RHCG: variants seen among roughly 807,000 people sequenced by gnomAD.
RHCG encodes ammonium transporter Rh type C.
In RHCG, 39 loss-of-function variants were observed where a neutral mutation model predicts 55.3. That is an observed-to-expected ratio of 0.70 (90% CI 0.55 to 0.92). The LOEUF is 0.92. Among genes scored for constraint, RHCG ranks in the 40% least tolerant of loss-of-function variants. RHCG has a pLI of 0.00. For synonymous variants in RHCG, 250 were observed against 246.8 expected, an observed-to-expected ratio of 1.01 and a Z score of -0.12; for missense variants, 635 against 627.9, an observed-to-expected ratio of 1.01 and a Z score of -0.12.
At chr15:89,495,869 G>C (rs1476253609) in intron 1 of RHCG, among the ~76,000 whole-genome samples, 1 of 152,206 alleles carries the variant, frequency 6.6e-6, no homozygotes, top group Admixed American at 6.5e-5. Flanking sequence ...CCACAGCACC[G>C]CTGACACCAG....
rs199664468 is a variant in RHCG at position 89,476,813 on chromosome 15, A to C, written c.1253T>G (p.Leu418Ter). 6.8e-6 allele frequency: 11 copies of C among 1,613,978 alleles called. No individual in the cohort carries two copies. The highest frequency in any genetic ancestry group is 3.3e-5 in the Admixed American group (2 of 60,014). ...GGIIVGLILRLPFWGQPSDEN... is the reference protein window; with the variant it reads ...GGIIVGLILR ...ATCTGAAGGTTGTCCCCAGAATGGT[A>C]ATCTCAAAATGAGCCCTACAGAAAG... is the stretch of plus-strand genomic sequence containing the variant. The change falls in exon 9 of 11, where the codon TTA becomes TGA. Residue 418 changes from leucine (L) to a stop codon, truncating the protein, a stop_gained. Transcript: ENST00000268122. LOFTEE classifies it high-confidence loss of function.
chr15:89,478,619 T>A (rs1348618551), intron 5 of RHCG, among the ~76,000 whole-genome samples: 1 of 152,134 alleles, frequency 6.6e-6, no homozygotes, highest in Non-Finnish European at 1.5e-5. Flanking sequence ...TTGACCCTAT[T>A]CCATGTCCCT....
At chr15:89,490,715 G>A (rs1961458052) in intron 1 of RHCG, among the ~76,000 whole-genome samples, 1 of 152,018 alleles carries the variant, frequency 6.6e-6, no homozygotes, top group Admixed American at 6.6e-5. Flanking sequence ...ACAAGGCAGT[G>A]GGAAGAGGTT....
intron 1 of RHCG, among the ~76,000 whole-genome samples, chr15:89,487,535 C>T (rs1961398030): frequency 6.6e-6 from 1 of 152,180 alleles, no homozygotes; most frequent in African/African-American, 2.4e-5. Context: ...AAGGAGTAGC[C>T]TGGACAGGCC....
Position 89,477,904 on chromosome 15 carries a change from G to T in RHCG, c.908C>A (p.Pro303His). 2 of 1,614,078 alleles carry T rather than the reference G, an allele frequency of 1.2e-6. No homozygotes were observed. Among genetic ancestry groups the T allele is most frequent in the Non-Finnish European group, 1.7e-6 (2 of 1,180,004 alleles). ...VGTAAEMMLMPYGALIIGFVC... is the reference protein window; with the variant it reads ...VGTAAEMMLMHYGALIIGFVC... ...GAAGCCGATGATGAGGGCACCGTAA[G>T]GCATGAGCATCATCTCAGCAGCGGT... The change falls in exon 6 of 11, where the codon CCT becomes CAT. Residue 303 changes from proline (P) to histidine (H), a missense_variant. By Grantham distance (77) the Pro-to-His change is moderately conservative (BLOSUM62 -2). Coordinates refer to ENST00000268122, the MANE Select transcript of RHCG (RefSeq NM_016321.3). The surrounding 1 kb of genome is among the most constrained non-coding windows in gnomAD (Gnocchi z 4.5).
intron 1 of RHCG, among the ~76,000 whole-genome samples, chr15:89,489,001 G>C (rs1596408065): frequency 1.3e-5 from 2 of 152,142 alleles, no homozygotes; most frequent in East Asian, 1.9e-4. Flanking sequence ...ACCCTCACAT[G>C]GTTCAGAAAA....
chr15:89,477,679 C>G lies in RHCG; in HGVS notation c.976-26G>C, dbSNP rs754341414. 2 of 1,613,448 alleles carry G rather than the reference C, an allele frequency of 1.2e-6. No homozygotes were observed. The highest frequency in any genetic ancestry group is 2.2e-5 in the East Asian group (1 of 44,856). ...CTGGAGACGGGAGGTGGGTGCTGCTCAGGCCGGGGGCTGCATCAAGGGTGT... is the reference window on the plus strand; with the variant it reads ...CTGGAGACGGGAGGTGGGTGCTGCTGAGGCCGGGGGCTGCATCAAGGGTGT... On this transcript the variant is annotated intron_variant, in intron 6 of 10. Coordinates refer to ENST00000268122, the MANE Select transcript of RHCG (RefSeq NM_016321.3). The surrounding 1 kb of genome is among the most constrained non-coding windows in gnomAD (Gnocchi z 4.5).
In RHCG at chr15:89,479,378, C is replaced by G. The variant is rs768044049; in HGVS notation, c.781G>C (p.Val261Leu). The G allele has an allele frequency of 1.9e-6, 3 of 1,614,192 alleles. No homozygotes were observed. The highest frequency in any genetic ancestry group is 1.7e-5 in the Admixed American group (1 of 60,030). ...INTYCSLAACVLTSVAISSAL... is the reference protein window; with the variant it reads ...INTYCSLAACLLTSVAISSAL... Reference sequence around the variant, plus strand: ...CTGGATATTGCCACCGAGGTAAGCACGCAGGCTGCCAAGGAGCAGTAGGTG... The same window carrying G: ...CTGGATATTGCCACCGAGGTAAGCAGGCAGGCTGCCAAGGAGCAGTAGGTG... The change falls in exon 5 of 11, where the codon GTG (valine) becomes CTG (leucine). Residue 261 changes from valine (V) to leucine (L), a missense_variant. Transcript: ENST00000268122.
At chr15:89,475,060 TCCTGCCTG>T (rs1961117959) in intron 9 of RHCG, among the ~76,000 whole-genome samples, 1 of 142,836 alleles carries the variant, frequency 7.0e-6, no homozygotes, top group Non-Finnish European at 1.5e-5. Context: ...CTTCCTTCCT[TCCTGCCTG>T]CCTTCCTGCC....
At chr15:89,478,420 C>G (rs888286179) in intron 5 of RHCG, among the ~76,000 whole-genome samples, 1 of 152,190 alleles carries the variant, frequency 6.6e-6, no homozygotes, top group African/African-American at 2.4e-5. Context: ...AGGTACCGTG[C>G]TGCTGGCTGT....
At position 89,477,043 on chromosome 15, in the gene RHCG, G is replaced by A; in HGVS notation, c.1237+39C>T. On this transcript the variant is annotated intron_variant, in intron 8 of 10. Coordinates refer to ENST00000268122, the MANE Select transcript of RHCG (RefSeq NM_016321.3). This position sits in a 1 kb window ranked among gnomAD's most constrained non-coding sequence, Gnocchi z 4.5. The stretch of plus-strand genomic sequence containing the variant: ...GCTTCTCCACCCAGGGAGCCCCACA[G>A]CAGCACCCCCCTTCTCTGGCTCAGC... The A allele has an allele frequency of 6.2e-7, 1 of 1,613,110 alleles. No individual in the cohort carries two copies. The highest frequency in any genetic ancestry group is 1.1e-5 in the South Asian group (1 of 91,012).
chr15:89,476,089 C>A lies in RHCG; in HGVS notation c.1311+666G>T, dbSNP rs974331551. ...CTTCTCTCTCTCTCCCTGTCTCTCTCGGGATCTTGCTCTATTGCCCAGGCT... is the reference window on the plus strand; with the variant it reads ...CTTCTCTCTCTCTCCCTGTCTCTCTAGGGATCTTGCTCTATTGCCCAGGCT... On this transcript the variant is annotated intron_variant, in intron 9 of 10. Coordinates refer to ENST00000268122, the MANE Select transcript of RHCG (RefSeq NM_016321.3). Among the ~76,000 whole-genome samples, 3 of 151,242 alleles carry A rather than the reference C, an allele frequency of 2.0e-5. No homozygotes were observed. In the East Asian group the frequency reaches 5.9e-4, roughly 30 times the overall value.
intron 1 of RHCG, among the ~76,000 whole-genome samples, chr15:89,495,698 A>G (rs1193385532): frequency 2.6e-5 from 4 of 152,016 alleles, no homozygotes; most frequent in African/African-American, 9.7e-5. Context: ...CCTCACCCCA[A>G]CCCCTGTGAA....
At position 89,477,052 on chromosome 15, in the gene RHCG, C is replaced by A; in HGVS notation, c.1237+30G>T. ...CCCAGGGAGCCCCACAGCAGCACCC[C>A]CCTTCTCTGGCTCAGCCATTCCTGC... On this transcript the variant is annotated intron_variant, in intron 8 of 10. Transcript: ENST00000268122. The surrounding 1 kb of genome is among the most constrained non-coding windows in gnomAD (Gnocchi z 4.5). The A allele has an allele frequency of 2.5e-6, 4 of 1,613,692 alleles. No homozygotes were observed. The highest frequency in any genetic ancestry group is 2.5e-6 in the Non-Finnish European group (3 of 1,179,736).
At chr15:89,483,661 C>G (rs1291493497) in intron 2 of RHCG, among the ~76,000 whole-genome samples, 1 of 152,120 alleles carries the variant, frequency 6.6e-6, no homozygotes, top group South Asian at 2.1e-4. Context: ...ATCCTTATCT[C>G]TCACTCTGCA....
At chr15:89,485,295 G>A (rs575104923) in intron 2 of RHCG, among the ~76,000 whole-genome samples, 1 of 152,302 alleles carries the variant, frequency 6.6e-6, no homozygotes, top group South Asian at 2.1e-4. Context: ...ATGGTTTTGG[G>A]AATGATAATT....
intron 9 of RHCG, among the ~76,000 whole-genome samples, chr15:89,473,105 G>A (rs79826710): frequency 0.011 from 1,635 of 152,310 alleles, 25 homozygotes; most frequent in Middle Eastern, 0.037. Context: ...TGCCCCATGA[G>A]AGCAATGGTG....
rs1476477393 is a variant in RHCG at position 89,477,237 on chromosome 15, C to A, written c.1113-31G>T. On this transcript the variant is annotated intron_variant, in intron 7 of 10. Coordinates refer to ENST00000268122, the MANE Select transcript of RHCG (RefSeq NM_016321.3). The surrounding 1 kb of genome is among the most constrained non-coding windows in gnomAD (Gnocchi z 4.5). ...GTGGAGACAGGGGGCAGGTCAGGGC[C>A]CCATGGAGAGGCCAAGTAACAGCTT... The A allele has an allele frequency of 6.2e-7, 1 of 1,611,802 alleles. No homozygotes were observed. Among genetic ancestry groups the A allele is most frequent in the South Asian group, 1.1e-5 (1 of 90,966 alleles).
intron 2 of RHCG, among the ~76,000 whole-genome samples, chr15:89,485,491 A>T (rs1961343012): frequency 6.6e-6 from 1 of 152,224 alleles, no homozygotes; most frequent in African/African-American, 2.4e-5. Context: ...TAGATTTCAG[A>T]CACCTGGCTA....
Sources: allele counts gnomAD v4.1 joint callset (sites outside exome capture counted in the v4.1 genomes callset), GRCh38; gene constraint gnomAD v4.1.1; non-coding constraint Gnocchi (gnomAD v3.1); transcripts MANE v1.5; gene names NCBI Gene and HGNC (gene_info 2026-07-23, HGNC 2026-07-21).